ARID4A: variants seen among roughly 807,000 people sequenced by gnomAD.
ARID4A encodes AT-rich interactive domain-containing protein 4A.
A neutral mutation model predicts 148.6 loss-of-function variants in ARID4A; 39 were observed. That is an observed-to-expected ratio of 0.26 (90% CI 0.20 to 0.34). The LOEUF (loss-of-function observed/expected upper bound fraction) is 0.34. ARID4A is among the 10% of genes least tolerant of loss of function. ARID4A has a pLI of 1.00. For synonymous variants in ARID4A, 475 were observed against 481.2 expected (o/e 0.99, Z 0.17); for missense variants, 1,265 against 1,449.1 (o/e 0.87, Z 2.06).
chr14:58,302,418 C>A (rs1441319070), intron 3 of ARID4A, among the ~76,000 whole-genome samples: 1 of 151,856 alleles, frequency 6.6e-6, no homozygotes, highest in Non-Finnish European at 1.5e-5. Flanking sequence ...TGCTTGAACC[C>A]GGGAGGCGGA....
intron 7 of ARID4A, among the ~76,000 whole-genome samples, chr14:58,319,060 T>G (rs1462767485): frequency 6.6e-6 from 1 of 152,192 alleles, no homozygotes; most frequent in Non-Finnish European, 1.5e-5. Context: ...TTTTGTTTTG[T>G]TTTTGATTTT....
chr14:58,323,430 C>G, intron 7 of ARID4A, 55 bp from the exon 8 acceptor site: 1 of 1,566,124 alleles, frequency 6.4e-7, no homozygotes, highest in Non-Finnish European at 8.8e-7. Context: ...TCACAATACT[C>G]TGTATCAAAT....
rs1165126509 is a variant in ARID4A, at chr14:58,318,663, A to G, written c.354+42A>G. 3.7e-6 allele frequency: 6 copies of G among 1,612,654 alleles called. No individual in the cohort carries two copies. In the South Asian group the frequency reaches 6.6e-5, roughly 18 times the overall value. On this transcript the variant is annotated intron_variant, in intron 6 of 23. Coordinates refer to ENST00000355431, the MANE Select transcript of ARID4A (RefSeq NM_002892.4). ...GGACGATTTGGATTGAACTACAGGTACTGATCTAGAGGTAAAACGTAATTT... is the reference window on the plus strand; with the variant it reads ...GGACGATTTGGATTGAACTACAGGTGCTGATCTAGAGGTAAAACGTAATTT...
At chr14:58,310,607 A>G (rs1174628312) in intron 5 of ARID4A, among the ~76,000 whole-genome samples, 2 of 152,206 alleles carry the variant, frequency 1.3e-5, no homozygotes, top group Non-Finnish European at 2.9e-5. Flanking sequence ...CACTCGATAT[A>G]CAAAAACTAA....
At position 58,371,995 on chromosome 14, in the gene ARID4A, A is replaced by T; in HGVS notation, c.*6A>T. 1.3e-6 allele frequency: 2 copies of T among 1,577,036 alleles called. No homozygotes were observed. Among genetic ancestry groups the T allele is most frequent in the Non-Finnish European group, 1.7e-6 (2 of 1,146,980 alleles). On this transcript the variant is annotated 3_prime_UTR_variant, in exon 24 of 24. Coordinates refer to ENST00000355431, the MANE Select transcript of ARID4A (RefSeq NM_002892.4). ...TTGCTGTAGAATGCAGGTGATAAAC[A>T]TTTTCTCTACCTTCCCAGCAGTTTG...
At chr14:58,329,878 A>T in intron 10 of ARID4A, 125 bp from the exon 11 acceptor site, 1 of 1,417,612 alleles carries the variant, frequency 7.1e-7, no homozygotes, top group Non-Finnish European at 9.5e-7. Context: ...GTTAAAGCTT[A>T]CTGTATCATT....
intron 7 of ARID4A, 87 bp from the exon 8 acceptor site, chr14:58,323,398 A>G: frequency 1.4e-6 from 2 of 1,444,418 alleles, no homozygotes; most frequent in East Asian, 4.8e-5. Flanking sequence ...GTCCATTAGA[A>G]ATTGAATTGA....
chr14:58,329,576 A>C lies in ARID4A; in HGVS notation c.711A>C (p.Leu237=), dbSNP rs775482850. The C allele has an allele frequency of 6.2e-7, 1 of 1,606,942 alleles. No individual in the cohort carries two copies. Among genetic ancestry groups the C allele is most frequent in the South Asian group, 1.1e-5 (1 of 90,920 alleles). Residue 237 remains leucine, a synonymous_variant, in exon 10 of 24, where the codon CTA becomes CTC. Coordinates refer to ENST00000355431, the MANE Select transcript of ARID4A (RefSeq NM_002892.4). ...TTAAGGAAGTAGACATTCTCAATCT[A>C]CCGGAATCTGAGCTCTCCACTAAAC... ...KDIKEVDILN[L]PESELSTKPG...
At chr14:58,346,532 ATGTAT>A in intron 13 of ARID4A, 27 bp downstream of exon 13, 1 of 1,478,034 alleles carries the variant, frequency 6.8e-7, no homozygotes, top group Non-Finnish European at 9.4e-7. Flanking sequence ...TTTTTGAAAC[ATGTAT>A]TGATGTGGTA....
chr14:58,363,119 A>C (rs1566722735), intron 19 of ARID4A, among the ~76,000 whole-genome samples: 1 of 152,198 alleles, frequency 6.6e-6, no homozygotes, highest in Non-Finnish European at 1.5e-5. Flanking sequence ...CTACCACTGA[A>C]AGGGATTTTT....
chr14:58,336,570 A>G lies in ARID4A; in HGVS notation c.906+6401A>G, dbSNP rs578108799. Among the ~76,000 whole-genome samples, 205 of 152,342 alleles carry G rather than the reference A, an allele frequency of 1.3e-3. 1 individual carries two copies. Among genetic ancestry groups the G allele is most frequent in the Non-Finnish European group, 2.1e-3 (142 of 68,028 alleles). ...TTTCCCTAAGGTGTTGTGACAAAAT[A>G]TATCTGTTGTACGAGAACATACATC... On this transcript the variant is annotated intron_variant, in intron 11 of 23. Coordinates refer to ENST00000355431, the MANE Select transcript of ARID4A (RefSeq NM_002892.4).
At chr14:58,333,725 T>C (rs1403863773) in intron 11 of ARID4A, among the ~76,000 whole-genome samples, 4 of 152,156 alleles carry the variant, frequency 2.6e-5, no homozygotes, top group African/African-American at 9.6e-5. Flanking sequence ...TAAATCATAT[T>C]ATTTGTGCAT....
At position 58,372,115 on chromosome 14, in the gene ARID4A, G is replaced by A; in HGVS notation, c.*126G>A. On this transcript the variant is annotated 3_prime_UTR_variant, in exon 24 of 24. Transcript: ENST00000355431. ...TAAGTATATCCTGTATACTTTTCCAGGCTGGATTGTATCTATTCCCCTCTC... is the reference window on the plus strand; with the variant it reads ...TAAGTATATCCTGTATACTTTTCCAAGCTGGATTGTATCTATTCCCCTCTC... 4.5e-6 allele frequency: 3 copies of A among 660,282 alleles called. No homozygotes were observed. Among genetic ancestry groups the A allele is most frequent in the Non-Finnish European group, 5.2e-6 (2 of 381,760 alleles). 40.9% of individuals were successfully genotyped at this position (660,282 alleles called of 1,614,324 possible).
At chr14:58,327,015 C>T (rs1489645983) in intron 8 of ARID4A, among the ~76,000 whole-genome samples, 1 of 152,180 alleles carries the variant, frequency 6.6e-6, no homozygotes, top group Non-Finnish European at 1.5e-5. Flanking sequence ...CAAACAAATA[C>T]TTCCATCTGG....
At chr14:58,322,868 A>G (rs2032980826) in intron 7 of ARID4A, among the ~76,000 whole-genome samples, 1 of 150,490 alleles carries the variant, frequency 6.6e-6, no homozygotes, top group Middle Eastern at 3.2e-3. Context: ...AGGCTGAGGC[A>G]GGAGAATCTC....
In ARID4A at chr14:58,372,253, T is replaced by C. The variant is rs2035645733; in HGVS notation, c.*264T>C. On this transcript the variant is annotated 3_prime_UTR_variant, in exon 24 of 24. Transcript: ENST00000355431. Reference sequence around the variant, plus strand: ...CTTTTGTTTTTCGTTTGTTGTGATATAGAACAAAGGGCACTTAGCAAATTT... The same window carrying C: ...CTTTTGTTTTTCGTTTGTTGTGATACAGAACAAAGGGCACTTAGCAAATTT... The C allele has an allele frequency of 2.6e-6, 1 of 377,412 alleles. No homozygotes were observed. Among genetic ancestry groups the C allele is most frequent in the South Asian group, 4.0e-5 (1 of 24,958 alleles). The allele number at this position is 377,412 out of a possible 1,614,324, so 23.4% of individuals were successfully genotyped here.
intron 5 of ARID4A, among the ~76,000 whole-genome samples, chr14:58,309,049 A>G (rs2031818848): frequency 6.6e-6 from 1 of 152,204 alleles, no homozygotes; most frequent in Non-Finnish European, 1.5e-5. Context: ...GAAAGAGATT[A>G]TGGATATAGT....
intron 16 of ARID4A, among the ~76,000 whole-genome samples, chr14:58,353,214 T>A (rs1397740460): frequency 5.9e-5 from 9 of 152,212 alleles, no homozygotes; most frequent in Admixed American, 5.9e-4. Context: ...AATCTTTTTT[T>A]ACATACAAGG....
chr14:58,350,498 C>T (rs2034586492), intron 15 of ARID4A, among the ~76,000 whole-genome samples: 1 of 152,116 alleles, frequency 6.6e-6, no homozygotes, highest in Non-Finnish European at 1.5e-5. Flanking sequence ...TTGCTGTTGG[C>T]CCAGCGAGCT....
Sources: gnomAD v4.1 joint callset for allele counts (sites outside exome capture counted in the v4.1 genomes callset) on GRCh38, gnomAD v4.1.1 for gene constraint, MANE v1.5 for transcripts, NCBI Gene and HGNC (gene_info 2026-07-23, HGNC 2026-07-21) for gene names.